Variants in SLC9A7 observed in about 807,000 individuals in gnomAD.
The protein encoded by SLC9A7 is solute carrier family 9 member A7.
SLC9A7 carries 19 observed loss-of-function variants against 52.6 expected under a neutral mutation model. The ratio of observed to expected loss-of-function variants is 0.36; its 90% CI spans 0.25 to 0.53. The LOEUF (loss-of-function observed/expected upper bound fraction) is 0.53. SLC9A7 is among the 20% of genes least tolerant of loss of function. The pLI is 0.91. For missense variants in SLC9A7, 455 were observed against 597.9 expected (o/e 0.76, Z 2.49); for synonymous variants, 226 against 252.1 (o/e 0.90, Z 0.98).
At chrX:46,634,018 G>C (rs959926507) in intron 13 of SLC9A7, among the ~76,000 whole-genome samples, 2 of 111,588 alleles carry the variant, frequency 1.8e-5, no homozygotes, top group African/African-American at 6.5e-5. Context: ...GAAGACTTTA[G>C]GGTCCCCCAA....
At chrX:46,712,233 A>C (rs1213956903) in intron 1 of SLC9A7, among the ~76,000 whole-genome samples, 1 of 111,547 alleles carries the variant, frequency 9.0e-6, no homozygotes, top group Non-Finnish European at 1.9e-5. Flanking sequence ...ATTTATAAAG[A>C]AAAGAGGTTT....
intron 13 of SLC9A7, among the ~76,000 whole-genome samples, chrX:46,633,272 A>G (rs1460613486): frequency 4.3e-5 from 4 of 93,671 alleles, no homozygotes; most frequent in East Asian, 3.8e-4. Context: ...TGCTACTGAT[A>G]TAAGTGCAGA....
chrX:46,616,156 TAAAA>T (rs775387259), intron 15 of SLC9A7, among the ~76,000 whole-genome samples: 1 of 84,060 alleles, frequency 1.2e-5, no homozygotes, highest in Non-Finnish European at 2.4e-5. Flanking sequence ...CCTCATCTCT[TAAAA>T]AAAAAAAAAA....
chrX:46,683,590 A>G (rs1424298995), intron 1 of SLC9A7, among the ~76,000 whole-genome samples: 2 of 111,446 alleles, frequency 1.8e-5, no homozygotes, highest in African/African-American at 3.3e-5. Context: ...AAAAATAAAA[A>G]CAGCAAGATC....
intron 16 of SLC9A7, among the ~76,000 whole-genome samples, chrX:46,608,045 T>C (rs1202150623): frequency 2.7e-5 from 3 of 112,354 alleles, no homozygotes; most frequent in African/African-American, 9.7e-5. Context: ...TCATCTGAAG[T>C]CCTGCATCCT....
At chrX:46,721,423 T>G (rs1038584194) in intron 1 of SLC9A7, among the ~76,000 whole-genome samples, 3 of 111,947 alleles carry the variant, frequency 2.7e-5, no homozygotes, top group African/African-American at 9.7e-5. Flanking sequence ...GGATAGAAAT[T>G]AGAGCTGCAA....
intron 5 of SLC9A7, among the ~76,000 whole-genome samples, chrX:46,663,104 C>T (rs1943852172): frequency 1.8e-5 from 2 of 112,108 alleles, no homozygotes; most frequent in African/African-American, 6.5e-5. Context: ...GAGGCTGAGG[C>T]AGGTGGATCA....
intron 5 of SLC9A7, among the ~76,000 whole-genome samples, chrX:46,665,946 G>T (rs977136750): frequency 9.0e-5 from 10 of 111,369 alleles, no homozygotes; most frequent in Non-Finnish European, 1.9e-4. Flanking sequence ...AGTGGAGAAG[G>T]CTCCCTGTCA....
At position 46,606,772 on chromosome X, in the gene SLC9A7, C is replaced by A; in HGVS notation, c.*180G>T. On this transcript the variant is annotated 3_prime_UTR_variant, in exon 17 of 17. Transcript: ENST00000616978. ...CTACGTTTGTCTGAATTTAGAGACACTTTTGCCTCACCATCTGCATTGTGA... is the reference window on the plus strand; with the variant it reads ...CTACGTTTGTCTGAATTTAGAGACAATTTTGCCTCACCATCTGCATTGTGA... 9.1e-7 allele frequency: 1 copy of A among 1,095,611 alleles called. No individual in the cohort carries two copies. 90.3% of individuals were successfully genotyped at this position (1,095,611 alleles called of 1,213,427 possible).
At chrX:46,752,823 C>T (rs1483026157) in intron 1 of SLC9A7, among the ~76,000 whole-genome samples, 2 of 111,419 alleles carry the variant, frequency 1.8e-5, no homozygotes, top group Non-Finnish European at 3.8e-5. Context: ...GGTGATAGTA[C>T]TTTGCAAGTA....
At chrX:46,658,734 G>C (rs970547314) in intron 7 of SLC9A7, among the ~76,000 whole-genome samples, 23 of 111,427 alleles carry the variant, frequency 2.1e-4, no homozygotes, top group Non-Finnish European at 3.6e-4. Context: ...ATAATCAATA[G>C]CTTACCAATC....
intron 14 of SLC9A7, among the ~76,000 whole-genome samples, chrX:46,621,987 C>T (rs1362638866): frequency 1.9e-5 from 2 of 102,666 alleles, no homozygotes; most frequent in Non-Finnish European, 3.9e-5. Context: ...AGTTTTAAAT[C>T]ATGGTGAATG....
chrX:46,687,282 T>A (rs1944310385), intron 1 of SLC9A7, among the ~76,000 whole-genome samples: 1 of 112,203 alleles, frequency 8.9e-6, no homozygotes, highest in Admixed American at 9.4e-5. Flanking sequence ...ACCTCATTTT[T>A]TCTTATGTAA....
intron 1 of SLC9A7, among the ~76,000 whole-genome samples, chrX:46,741,869 G>C (rs1395595919): frequency 9.1e-6 from 1 of 109,379 alleles, no homozygotes; most frequent in Non-Finnish European, 1.9e-5. Flanking sequence ...CCAAAGCTAG[G>C]AGAGAATATT....
At chrX:46,680,416 C>T (rs1005544897) in intron 2 of SLC9A7, among the ~76,000 whole-genome samples, 9 of 110,756 alleles carry the variant, frequency 8.1e-5, no homozygotes, top group Admixed American at 4.8e-4. Flanking sequence ...TAAAAGATGC[C>T]GTCGTGATTC....
At position 46,662,653 on chromosome X, in the gene SLC9A7, G is replaced by T. The variant is rs1043633001; in HGVS notation, c.794-10C>A. Reference sequence around the variant, plus strand: ...ATCGCCAGCACAGTCACTGAAAAGTGAGCCGAAAGCACAGAAATTAGTTTT... The same window carrying T: ...ATCGCCAGCACAGTCACTGAAAAGTTAGCCGAAAGCACAGAAATTAGTTTT... On this transcript the variant is annotated splice_polypyrimidine_tract_variant and intron_variant, in intron 5 of 16. Coordinates refer to ENST00000616978, the MANE Select transcript of SLC9A7 (RefSeq NM_001257291.2). The T allele has an allele frequency of 6.8e-6, 8 of 1,170,737 alleles. No individual in the cohort carries two copies. The highest frequency in any genetic ancestry group is 9.3e-6 in the Non-Finnish European group (8 of 860,700).
chrX:46,705,182 C>A (rs890394485), intron 1 of SLC9A7, among the ~76,000 whole-genome samples: 2 of 111,226 alleles, frequency 1.8e-5, no homozygotes, highest in African/African-American at 6.5e-5. Flanking sequence ...GGGTGGAGAC[C>A]AAATGTCAAG....
At chrX:46,719,223 T>G (rs1363310102) in intron 1 of SLC9A7, among the ~76,000 whole-genome samples, 1 of 98,742 alleles carries the variant, frequency 1.0e-5, no homozygotes, top group Non-Finnish European at 2.0e-5. Flanking sequence ...ATATTCTCAC[T>G]GATAGGTGGG....
chrX:46,721,075 A>C (rs1944852280), intron 1 of SLC9A7, among the ~76,000 whole-genome samples: 1 of 112,140 alleles, frequency 8.9e-6, no homozygotes, highest in South Asian at 3.6e-4. Flanking sequence ...TAACTACATT[A>C]ATAATGATTT....
Sources: allele counts gnomAD v4.1 joint callset (sites outside exome capture counted in the v4.1 genomes callset), GRCh38; gene constraint gnomAD v4.1.1; transcripts MANE v1.5; gene names NCBI Gene and HGNC (gene_info 2026-07-23, HGNC 2026-07-21).